VPS13B: variants seen among roughly 807,000 people sequenced by gnomAD.
The protein encoded by VPS13B is intermembrane lipid transfer protein VPS13B.
In VPS13B, 285 loss-of-function variants were observed where a neutral mutation model predicts 426.4. That is an observed-to-expected ratio of 0.67 (90% CI 0.61 to 0.74). The LOEUF is 0.74. Among genes scored for constraint, VPS13B ranks in the 30% least tolerant of loss-of-function variants. The pLI is 0.00. For missense variants in VPS13B, 4,537 were observed against 4,782.6 expected, an observed-to-expected ratio of 0.95 and a Z score of 1.51; for synonymous variants, 1,676 against 1,676.4, an observed-to-expected ratio of 1.00 and a Z score of 0.01.
At chr8:99,314,918 C>CT (rs1345598569) in intron 19 of VPS13B, among the ~76,000 whole-genome samples, 1 of 152,010 alleles carries the variant, frequency 6.6e-6, no homozygotes, top group Non-Finnish European at 1.5e-5. Flanking sequence ...GACTTGAAGT[C>CT]TTTTTTATCT....
intron 17 of VPS13B, among the ~76,000 whole-genome samples, chr8:99,223,704 A>G (rs1441308753): frequency 6.6e-6 from 1 of 152,226 alleles, no homozygotes; most frequent in Non-Finnish European, 1.5e-5. Context: ...ACTGCTCTAG[A>G]TAATGAAATA....
At chr8:99,590,966 A>G (rs1174702232) in intron 33 of VPS13B, among the ~76,000 whole-genome samples, 1 of 151,950 alleles carries the variant, frequency 6.6e-6, no homozygotes, top group Non-Finnish European at 1.5e-5. Flanking sequence ...ATTGTGTGGG[A>G]GTCTAAGTCT....
chr8:99,180,865 A>G (rs1812909872), intron 16 of VPS13B, among the ~76,000 whole-genome samples: 1 of 152,192 alleles, frequency 6.6e-6, no homozygotes, highest in Non-Finnish European at 1.5e-5. Context: ...AGAGAAGTAA[A>G]GATTTAAACA....
intron 43 of VPS13B, among the ~76,000 whole-genome samples, chr8:99,789,581 T>C (rs1236068087): frequency 1.3e-5 from 2 of 152,092 alleles, no homozygotes; most frequent in Non-Finnish European, 2.9e-5. Flanking sequence ...ATCTACCCAC[T>C]GGAGAGAAGG....
chr8:99,559,125 T>C (rs951400552), intron 31 of VPS13B, among the ~76,000 whole-genome samples: 7 of 152,186 alleles, frequency 4.6e-5, no homozygotes, highest in Non-Finnish European at 7.3e-5. Flanking sequence ...GATGGTATCT[T>C]ATTTTGGTTT....
chr8:99,134,605 T>G, intron 8 of VPS13B, 27 bp from the exon 9 acceptor site: 2 of 1,536,214 alleles, frequency 1.3e-6, no homozygotes, highest in Non-Finnish European at 9.0e-7. Flanking sequence ...CTAAATTTGA[T>G]TTACTTAATA....
chr8:99,088,137 T>G lies in VPS13B; in HGVS notation c.292-8175T>G, dbSNP rs190107783. Among the ~76,000 whole-genome samples, 256 of 150,284 alleles carry G rather than the reference T, an allele frequency of 1.7e-3. 1 individual carries two copies. The highest frequency in any genetic ancestry group is 3.0e-3 in the Non-Finnish European group (204 of 67,770). On this transcript the variant is annotated intron_variant, in intron 3 of 61. Coordinates refer to ENST00000357162, the MANE Select transcript of VPS13B (RefSeq NM_152564.5). Reference sequence around the variant, plus strand: ...AGGCAGAGGTTGCAGTGAGCCGAGATTGCGCCACTGTACTCCAGACTGAGT... The same window carrying G: ...AGGCAGAGGTTGCAGTGAGCCGAGAGTGCGCCACTGTACTCCAGACTGAGT...
intron 41 of VPS13B, among the ~76,000 whole-genome samples, chr8:99,777,805 T>C (rs1322796247): frequency 2.6e-5 from 4 of 152,218 alleles, no homozygotes; most frequent in African/African-American, 9.7e-5. Flanking sequence ...TTTTATAAGC[T>C]TACTAATGTT....
At chr8:99,627,577 T>C (rs1828667461) in intron 33 of VPS13B, among the ~76,000 whole-genome samples, 2 of 152,036 alleles carry the variant, frequency 1.3e-5, no homozygotes, top group South Asian at 4.2e-4. Context: ...AGAGATGGGG[T>C]TTCACCATGT....
chr8:99,359,712 T>C (rs1334135011), intron 19 of VPS13B, among the ~76,000 whole-genome samples: 1 of 152,254 alleles, frequency 6.6e-6, no homozygotes, highest in Admixed American at 6.5e-5. Context: ...ATTAACCACA[T>C]AGTAATTATA....
At chr8:99,223,816 AT>A (rs1385858735) in intron 17 of VPS13B, among the ~76,000 whole-genome samples, 1 of 152,230 alleles carries the variant, frequency 6.6e-6, no homozygotes, top group Non-Finnish European at 1.5e-5. Context: ...AGGGAACATT[AT>A]TGTCATTCAC....
chr8:99,099,957 T>C (rs1846637741), intron 4 of VPS13B, among the ~76,000 whole-genome samples: 1 of 152,172 alleles, frequency 6.6e-6, no homozygotes, highest in South Asian at 2.1e-4. Flanking sequence ...AGTGTGACTT[T>C]CTATTTTCAG....
intron 56 of VPS13B, among the ~76,000 whole-genome samples, chr8:99,855,924 TC>T (rs1433217662): frequency 3.3e-5 from 5 of 152,206 alleles, no homozygotes; most frequent in Non-Finnish European, 7.3e-5. Context: ...TATAAACAGT[TC>T]CAGAAACTTT....
At chr8:99,523,761 A>G (rs955327771) in intron 30 of VPS13B, among the ~76,000 whole-genome samples, 2 of 152,170 alleles carry the variant, frequency 1.3e-5, no homozygotes, top group African/African-American at 4.8e-5. Flanking sequence ...TTCTTTCCCT[A>G]GAAAAATGGG....
At chr8:99,560,964 T>G (rs1255092188) in intron 31 of VPS13B, among the ~76,000 whole-genome samples, 1 of 152,230 alleles carries the variant, frequency 6.6e-6, no homozygotes, top group African/African-American at 2.4e-5. Context: ...GTATCTCTCC[T>G]ATTTGTTCTT....
intron 25 of VPS13B, among the ~76,000 whole-genome samples, chr8:99,494,139 G>A (rs1262929660): frequency 1.3e-5 from 2 of 151,672 alleles, no homozygotes; most frequent in African/African-American, 4.8e-5. Context: ...TAATTTTTTT[G>A]TTGTGGTACA....
chr8:99,136,543 T>C, intron 11 of VPS13B, 122 bp from the exon 12 acceptor site: 1 of 965,536 alleles, frequency 1.0e-6, no homozygotes, highest in East Asian at 2.5e-5. Flanking sequence ...ACCTCTGTTC[T>C]TTTGGTCATC....
At chr8:99,088,039 C>T (rs1353920923) in intron 3 of VPS13B, among the ~76,000 whole-genome samples, 2 of 151,816 alleles carry the variant, frequency 1.3e-5, no homozygotes, top group Non-Finnish European at 2.9e-5. Flanking sequence ...CAAAAATTAG[C>T]TGGGCGTGGT....
intron 17 of VPS13B, among the ~76,000 whole-genome samples, chr8:99,267,825 T>A (rs1392044651): frequency 6.6e-6 from 1 of 152,048 alleles, no homozygotes; most frequent in Non-Finnish European, 1.5e-5. Context: ...AGAATGTTAA[T>A]CACCAAGACA....
Sources: gnomAD v4.1 joint callset for allele counts (sites outside exome capture counted in the v4.1 genomes callset) on GRCh38, gnomAD v4.1.1 for gene constraint, MANE v1.5 for transcripts, NCBI Gene and HGNC (gene_info 2026-07-23, HGNC 2026-07-21) for gene names.